SMIM27: variants seen among roughly 807,000 people sequenced by gnomAD.
SMIM27 encodes the protein TOPORS antisense RNA 1 (non-protein coding).
SMIM27 carries 3 observed loss-of-function variants against 1.8 expected under a neutral mutation model. The ratio of observed to expected loss-of-function variants is 1.65; its 90% confidence interval spans 0.75 to 4.28. The LOEUF is 4.28. SMIM27 is among the 30% of genes most tolerant of loss of function. The pLI, the probability that SMIM27 is intolerant of heterozygous loss-of-function variation, is 0.02. For missense variants in SMIM27, 63 were observed against 37.0 expected (o/e 1.70, Z -1.83); for synonymous variants, 19 against 13.9 (o/e 1.37, Z -0.82).
rs1351581772 is a variant in SMIM27, at chr9:32,562,309, ACTT to A, written c.46-4081_46-4079del. On this transcript the variant is annotated intron_variant, in intron 1 of 1. Transcript: ENST00000451672. Reference sequence around the variant, plus strand: ...GAAGAGGACATGCTAGGCACTCCGTACTTGTTAATCAAGGGGCTTAATCTGCTT... The same window carrying A: ...GAAGAGGACATGCTAGGCACTCCGTAGTTAATCAAGGGGCTTAATCTGCTT... Among the ~76,000 whole-genome samples the A allele has an allele frequency of 2.6e-5, 4 of 152,320 alleles. No homozygotes were observed. The East Asian group carries it at 7.7e-4, about 29-fold the overall frequency.
At position 32,552,440 on chromosome 9, in the gene SMIM27, GC is replaced by G; in HGVS notation, c.8del (p.Pro3GlnfsTer2). On this transcript the variant is annotated frameshift_variant, in exon 1 of 2. Coordinates refer to ENST00000692500, the MANE Select transcript of SMIM27 (RefSeq NM_001387564.1). LOFTEE classifies it high-confidence loss of function. MK[P>X]VSRRTLDWIY... ...ACTGCTGCCGCCTCCTTACCATGAA[GC>G]CAGTAAGTCGTCGCACGCTGGACTG... 1 of 1,608,220 alleles carries G rather than the reference GC, an allele frequency of 6.2e-7. No individual in the cohort carries two copies. The highest frequency in any genetic ancestry group is 1.1e-5 in the South Asian group (1 of 89,900).
Position 32,552,803 on chromosome 9 carries a change from G to C in SMIM27, c.48G>C (p.Leu16Phe). ...CTCCTTTGCGATTTTTGGTTTAGTT[G>C]CTGCTTGCCATCGTTTTAATCTCCT... The part of the protein sequence containing the change: ...RRTLDWIYSV[L>F]LLAIVLISWG... The change falls in exon 2 of 2, where the codon TTG (leucine) becomes TTC (phenylalanine). Residue 16 changes from leucine (L) to phenylalanine (F), a missense_variant and splice_region_variant. Coordinates refer to ENST00000692500, the MANE Select transcript of SMIM27 (RefSeq NM_001387564.1). 1 of 700,942 alleles carries C rather than the reference G, an allele frequency of 1.4e-6. No individual in the cohort carries two copies. 43.4% of individuals were successfully genotyped at this position (700,942 alleles called of 1,614,324 possible).
chr9:32,555,288 C>G (rs1937155300), downstream of SMIM27, among the ~76,000 whole-genome samples: 1 of 152,156 alleles, frequency 6.6e-6, no homozygotes, highest in African/African-American at 2.4e-5. Context: ...ATTGAAAAAT[C>G]ACACTACTTC....
intron 1 of SMIM27, among the ~76,000 whole-genome samples, chr9:32,561,458 G>A (rs549827302): frequency 6.0e-4 from 91 of 152,136 alleles, no homozygotes; most frequent in Middle Eastern, 3.4e-3. Flanking sequence ...CTTCTGAGTA[G>A]CTGGGATTAC....
At chr9:32,551,801 A>G, upstream of SMIM27, 1 of 452,206 alleles carries the variant, frequency 2.2e-6, no homozygotes, top group South Asian at 1.6e-5. Context: ...CTGATACATT[A>G]TGGCGGGTAA....
chr9:32,554,561 T>C (rs1164615322), downstream of SMIM27, among the ~76,000 whole-genome samples: 1 of 152,218 alleles, frequency 6.6e-6, no homozygotes, highest in East Asian at 1.9e-4. Flanking sequence ...TAGATTCTGT[T>C]AGCCTGCCAG....
At chr9:32,553,127 T>G (rs1193951975), downstream of SMIM27, 2 of 463,632 alleles carry the variant, frequency 4.3e-6, no homozygotes, top group African/African-American at 4.6e-5. Context: ...TCTGACAGTC[T>G]TGAGTGTCAG....
rs111261393 is a variant in SMIM27, at chr9:32,558,803, G to A, written c.45+6324G>A. On this transcript the variant is annotated intron_variant, in intron 1 of 1. Coordinates refer to the SMIM27 transcript ENST00000451672. ...AATACACAAAACAGGGACTTAAACCGAAAGTGAGAAGGAAAGAACATTTTA... is the reference window on the plus strand; with the variant it reads ...AATACACAAAACAGGGACTTAAACCAAAAGTGAGAAGGAAAGAACATTTTA... 7.0e-3 allele frequency: 5,292 copies of A among 757,434 alleles called. 30 individuals are homozygous for A. Among genetic ancestry groups the A allele is most frequent in the Non-Finnish European group, 9.3e-3 (4,558 of 487,728 alleles). The allele number at this position is 757,434 out of a possible 1,614,324, so 46.9% of individuals were successfully genotyped here.
chr9:32,563,457 T>C (rs1477228710), intron 1 of SMIM27, among the ~76,000 whole-genome samples: 1 of 149,520 alleles, frequency 6.7e-6, no homozygotes, highest in Non-Finnish European at 1.5e-5. Flanking sequence ...GCGATCCTCC[T>C]GCTTCAGCCT....
intron 1 of SMIM27, among the ~76,000 whole-genome samples, chr9:32,562,987 C>T (rs1821669806): frequency 6.6e-6 from 1 of 152,234 alleles, no homozygotes; most frequent in Non-Finnish European, 1.5e-5. Flanking sequence ...TGTTCTTTAA[C>T]ATTCATGATC....
chr9:32,552,778 C>T (rs1362718482), intron 1 of SMIM27, 23 bp from the exon 2 acceptor site: 2 of 698,406 alleles, frequency 2.9e-6, no homozygotes, highest in Non-Finnish European at 5.2e-6. Flanking sequence ...GATTTCACAC[C>T]TCCTTTGCGA....
chr9:32,556,386 T>C (rs1360539144), downstream of SMIM27, among the ~76,000 whole-genome samples: 1 of 152,242 alleles, frequency 6.6e-6, no homozygotes, highest in East Asian at 1.9e-4. Context: ...TATCACAATC[T>C]TGGAACCTCA....
exon 2 of SMIM27, chr9:32,566,497 C>T (rs1237373352): frequency 1.3e-6 from 1 of 783,298 alleles, no homozygotes; most frequent in African/African-American, 1.7e-5. Flanking sequence ...GGAGAACTAG[C>T]CTTCCGGTGT....
rs111646430 is a variant in SMIM27 at position 32,563,491 on chromosome 9, CTT to C, written c.46-2888_46-2887del. Among the ~76,000 whole-genome samples, 32 of 91,968 alleles carry C rather than the reference CTT, an allele frequency of 3.5e-4. 1 individual carries two copies. The highest frequency in any genetic ancestry group is 1.1e-3 in the Admixed American group (10 of 8,762). 60.3% of individuals were successfully genotyped at this position (91,968 alleles called of 152,430 possible). A position where few individuals can be genotyped will look rare whatever the true frequency, so the allele number is the denominator to read the frequency against. On this transcript the variant is annotated intron_variant, in intron 1 of 1. Transcript: ENST00000451672. ...CTCCTGAACAGGTGGGACTATTGGG[CTT>C]TTTTTTTTTTTGGAGGGATGGGGTC... is the stretch of plus-strand genomic sequence containing the variant.
chr9:32,564,596 G>A lies in SMIM27; in HGVS notation c.46-1795G>A, dbSNP rs556214391. Among the ~76,000 whole-genome samples, 53 of 152,160 alleles carry A rather than the reference G, an allele frequency of 3.5e-4. 2 individuals are homozygous for A. The highest frequency in any genetic ancestry group is 1.2e-3 in the African/African-American group (50 of 41,514). On this transcript the variant is annotated intron_variant, in intron 1 of 1. Transcript: ENST00000451672. Reference sequence around the variant, plus strand: ...CAAGTATCATAAAATACATGATTTAGAAAATGAGTCCTCTGTAATCCAGTC... The same window carrying A: ...CAAGTATCATAAAATACATGATTTAAAAAATGAGTCCTCTGTAATCCAGTC...
downstream of SMIM27, chr9:32,553,092 A>G: frequency 5.9e-6 from 3 of 506,298 alleles, no homozygotes; most frequent in South Asian, 9.1e-5. Context: ...TTACATTCTC[A>G]TGACAAAATT....
exon 2 of SMIM27, chr9:32,566,595 AC>A (rs1487524919): frequency 6.4e-6 from 5 of 785,026 alleles, no homozygotes; most frequent in Non-Finnish European, 9.4e-6. Context: ...GGAGCGGAGG[AC>A]CCGCAGGAAT....
chr9:32,559,080 C>A, intron 1 of SMIM27: 1 of 570,270 alleles, frequency 1.8e-6, no homozygotes, highest in Admixed American at 2.8e-5. Context: ...TTCACATATC[C>A]AACTGTTTAC....
upstream of SMIM27, chr9:32,551,620 T>C (rs140802154): frequency 7.4e-6 from 2 of 268,886 alleles, no homozygotes; most frequent in African/African-American, 4.4e-5. Context: ...GTCTAGAGCC[T>C]AAGCGGCCCG....
Sources: gnomAD v4.1 joint callset for allele counts (sites outside exome capture counted in the v4.1 genomes callset) on GRCh38, gnomAD v4.1.1 for gene constraint, MANE v1.5 for transcripts, NCBI Gene and HGNC (gene_info 2026-07-23, HGNC 2026-07-21) for gene names.